The following PPP2CA variants were observed in gnomAD, a reference collection of about 807,000 sequenced individuals.
The protein encoded by PPP2CA is protein phosphatase 2 catalytic subunit alpha.
A neutral mutation model predicts 38.8 loss-of-function variants in PPP2CA; 5 were observed. That is an observed-to-expected ratio of 0.13 (90% CI 0.07 to 0.27). The LOEUF (loss-of-function observed/expected upper bound fraction) is 0.27, where lower values mean the gene tolerates loss of function less well. Ranked by LOEUF, PPP2CA falls within the 10% of genes least tolerant of loss-of-function variation. PPP2CA has a pLI of 1.00. For missense variants in PPP2CA, 88 were observed against 389.7 expected (o/e 0.23, Z 6.52); for synonymous variants, 152 against 134.0 (o/e 1.13, Z -0.93).
In PPP2CA at chr5:134,196,085, T is replaced by C. The variant is rs1225306041; in HGVS notation, c.*1687A>G. The C allele has an allele frequency of 1.3e-5, 2 of 152,072 alleles. No individual in the cohort carries two copies. Among genetic ancestry groups the C allele is most frequent in the Non-Finnish European group, 1.5e-5 (1 of 67,968 alleles). The allele number at this position is 152,072 out of a possible 1,614,324, so 9.4% of individuals were successfully genotyped here. ...ATGTATTTCTTGTGAAAGAAAAGAATGAAATGAAATGAAATGTAGAAACCC... is the reference window on the plus strand; with the variant it reads ...ATGTATTTCTTGTGAAAGAAAAGAACGAAATGAAATGAAATGTAGAAACCC... On this transcript the variant is annotated 3_prime_UTR_variant, in exon 7 of 7. Transcript: ENST00000481195.
intron 1 of PPP2CA, 138 bp downstream of exon 1, chr5:134,225,622 G>T (rs1470557959): frequency 3.0e-6 from 2 of 665,294 alleles, no homozygotes; most frequent in Non-Finnish European, 2.3e-6. Context: ...AGCCGCCGCC[G>T]GCCAGGATGG....
rs1392777398 is a variant in PPP2CA, at chr5:134,196,392, G to A, written c.*1380C>T. ...TTTTTTTAAACATCTAATCCTATTC[G>A]AAGGATAAAAGGGGAAAAACTCATT... On this transcript the variant is annotated 3_prime_UTR_variant, in exon 7 of 7. Coordinates refer to ENST00000481195, the MANE Select transcript of PPP2CA (RefSeq NM_002715.4). 3.3e-5 allele frequency: 5 copies of A among 152,154 alleles called. No homozygotes were observed. The highest frequency in any genetic ancestry group is 7.2e-5 in the African/African-American group (3 of 41,416). 9.4% of individuals were successfully genotyped at this position (152,154 alleles called of 1,614,324 possible). A position where few individuals can be genotyped will look rare whatever the true frequency, so the allele number is the denominator to read the frequency against.
chr5:134,207,623 G>A (rs905012027), intron 1 of PPP2CA, among the ~76,000 whole-genome samples: 1 of 152,052 alleles, frequency 6.6e-6, no homozygotes, highest in Admixed American at 6.6e-5. Flanking sequence ...GCATGATCTC[G>A]GCTCACTATA....
At chr5:134,216,462 C>T (rs1762322322) in intron 1 of PPP2CA, among the ~76,000 whole-genome samples, 1 of 145,090 alleles carries the variant, frequency 6.9e-6, no homozygotes, top group African/African-American at 2.6e-5. Flanking sequence ...ATCACTTGAA[C>T]CCATGAGGCG....
At chr5:134,218,824 A>G (rs1274303849) in intron 1 of PPP2CA, among the ~76,000 whole-genome samples, 1 of 151,944 alleles carries the variant, frequency 6.6e-6, no homozygotes, top group Non-Finnish European at 1.5e-5. Context: ...GCCCACCACC[A>G]TGCCTGGCTA....
intron 1 of PPP2CA, among the ~76,000 whole-genome samples, chr5:134,213,462 C>A (rs1762251361): frequency 6.6e-6 from 1 of 151,560 alleles, no homozygotes; most frequent in African/African-American, 2.4e-5. Flanking sequence ...TCAGCCTGGG[C>A]AACACACCAA....
In PPP2CA at chr5:134,206,099, C is replaced by A. The variant is rs750625921; in HGVS notation, c.135G>T (p.Val45=). ...AKEILTKESN[V]QEVRCPVTVC... is the part of the protein sequence containing the mutation. ...CAGTAACTGGACATCGAACCTCTTG[C>A]ACGTTGGATTCTTTTGTCAGGATTT... is the stretch of plus-strand genomic sequence containing the variant. Residue 45 remains valine, a synonymous_variant, in exon 2 of 7, where the codon GTG becomes GTT. Transcript: ENST00000481195. The A allele has an allele frequency of 4.3e-6, 7 of 1,614,098 alleles. No individual in the cohort carries two copies. The South Asian group carries it at 7.7e-5, about 18-fold the overall frequency.
At chr5:134,217,147 G>A (rs538768283) in intron 1 of PPP2CA, among the ~76,000 whole-genome samples, 2 of 152,254 alleles carry the variant, frequency 1.3e-5, no homozygotes, top group Admixed American at 1.3e-4. Context: ...GGGTGTGGTG[G>A]CGCATGCCTG....
At chr5:134,215,802 A>G (rs1417370124) in intron 1 of PPP2CA, among the ~76,000 whole-genome samples, 2 of 151,906 alleles carry the variant, frequency 1.3e-5, no homozygotes, top group Non-Finnish European at 2.9e-5. Flanking sequence ...GCAGACTCTC[A>G]CTCCCTTCAC....
rs1447005311 is a variant in PPP2CA at position 134,197,775 on chromosome 5, C to T, written c.927G>A (p.Leu309=). Residue 309 remains leucine (L), a synonymous_variant, in exon 7 of 7, where the codon CTG becomes CTA. Transcript: ENST00000481195. ...HVTRRTPDYF[L] Reference sequence around the variant, plus strand: ...ACTGTACAAGTTTAAAATTTCATTACAGGAAGTAGTCTGGGGTACGACGAG... The same window carrying T: ...ACTGTACAAGTTTAAAATTTCATTATAGGAAGTAGTCTGGGGTACGACGAG... The T allele has an allele frequency of 1.2e-6, 2 of 1,613,366 alleles. No homozygotes were observed. The highest frequency in any genetic ancestry group is 1.7e-6 in the Non-Finnish European group (2 of 1,179,344).
At chr5:134,225,273 G>A (rs955218516) in intron 1 of PPP2CA, among the ~76,000 whole-genome samples, 1 of 152,182 alleles carries the variant, frequency 6.6e-6, no homozygotes, top group African/African-American at 2.4e-5. Context: ...CTAAAGCTGT[G>A]TGACCTTTAG....
intron 1 of PPP2CA, among the ~76,000 whole-genome samples, chr5:134,224,974 C>T (rs1481924409): frequency 2.0e-5 from 3 of 152,186 alleles, no homozygotes; most frequent in Non-Finnish European, 4.4e-5. Flanking sequence ...TAAAAATAAA[C>T]GGCAAAATGC....
intron 5 of PPP2CA, among the ~76,000 whole-genome samples, chr5:134,199,645 C>A (rs1046683112): frequency 3.9e-5 from 6 of 152,162 alleles, no homozygotes; most frequent in African/African-American, 1.2e-4. Context: ...CCAATTTTGT[C>A]AGTCACAGGT....
At chr5:134,200,270 C>T in intron 5 of PPP2CA, 65 bp downstream of exon 5, 5 of 1,494,052 alleles carry the variant, frequency 3.3e-6, no homozygotes, top group Non-Finnish European at 4.5e-6. Context: ...ATTTAAAACT[C>T]CCTAATATCT....
chr5:134,220,761 C>G (rs897524145), intron 1 of PPP2CA, among the ~76,000 whole-genome samples: 2 of 152,216 alleles, frequency 1.3e-5, no homozygotes, highest in African/African-American at 4.8e-5. Context: ...ACAAACCTGA[C>G]TTACCATGAG....
At chr5:134,206,926 A>G (rs1442084724) in intron 1 of PPP2CA, among the ~76,000 whole-genome samples, 1 of 152,256 alleles carries the variant, frequency 6.6e-6, no homozygotes, top group African/African-American at 2.4e-5. Flanking sequence ...CAAACAAGTA[A>G]CCAAGCCAAA....
At chr5:134,222,265 T>C (rs1177424713) in intron 1 of PPP2CA, among the ~76,000 whole-genome samples, 6 of 152,148 alleles carry the variant, frequency 3.9e-5, no homozygotes, top group Admixed American at 6.6e-5. Context: ...CCCACCTGCT[T>C]GTCCTCAATA....
At chr5:134,200,943 TAA>T in intron 4 of PPP2CA, 40 bp downstream of exon 4, 2 of 1,473,142 alleles carry the variant, frequency 1.4e-6, no homozygotes, top group Non-Finnish European at 1.9e-6. Context: ...CTCCACTCCC[TAA>T]TAAGTTTTCT....
intron 1 of PPP2CA, among the ~76,000 whole-genome samples, chr5:134,212,384 G>T (rs145968657): frequency 6.6e-6 from 1 of 152,104 alleles, no homozygotes; most frequent in Non-Finnish European, 1.5e-5. Flanking sequence ...AGTGATCTTT[G>T]ATGTTACTAT....
Sources: allele counts gnomAD v4.1 joint callset (sites outside exome capture counted in the v4.1 genomes callset), GRCh38; gene constraint gnomAD v4.1.1; transcripts MANE v1.5; gene names NCBI Gene and HGNC (gene_info 2026-07-23, HGNC 2026-07-21).